Variants in STAT3 observed in about 807,000 individuals in gnomAD.
The protein encoded by STAT3 is signal transducer and activator of transcription 3, also known as DNA-binding protein APRF.
A neutral mutation model predicts 114.3 loss-of-function variants in STAT3; 7 were observed. That is an observed-to-expected ratio of 0.06 (90% CI 0.03 to 0.11). The LOEUF (loss-of-function observed/expected upper bound fraction) is 0.11. Among genes scored for constraint, STAT3 ranks in the 10% least tolerant of loss-of-function variants. The pLI is 1.00. For synonymous variants in STAT3, 331 were observed against 354.5 expected (o/e 0.93, Z 0.74); for missense variants, 364 against 960.9 (o/e 0.38, Z 8.21).
chr17:42,316,459 TCCAC>T, intron 23 of STAT3: 1 of 445,096 alleles, frequency 2.2e-6, no homozygotes, highest in South Asian at 1.8e-5. Flanking sequence ...CCTCAAGTGA[TCCAC>T]CCACCTCGGC....
At chr17:42,372,683 G>A (rs2084219235) in intron 1 of STAT3, among the ~76,000 whole-genome samples, 1 of 152,018 alleles carries the variant, frequency 6.6e-6, no homozygotes, top group Non-Finnish European at 1.5e-5. Context: ...GAAATGTAAT[G>A]TAAACTATGG....
At position 42,315,621 on chromosome 17, in the gene STAT3, T is replaced by A; in HGVS notation, c.*124A>T. ...CTCAAAGATAGCAGAAGTAGGAGAT[T>A]AAAAAAAATCTGGAACCACAAAGTT... On this transcript the variant is annotated 3_prime_UTR_variant, in exon 24 of 24. Transcript: ENST00000264657. The A allele has an allele frequency of 1.0e-6, 1 of 996,090 alleles. No homozygotes were observed. Among genetic ancestry groups the A allele is most frequent in the Non-Finnish European group, 1.6e-6 (1 of 631,766 alleles). 61.7% of individuals were successfully genotyped at this position (996,090 alleles called of 1,614,324 possible).
chr17:42,320,591 A>C (rs1174983443), intron 21 of STAT3, among the ~76,000 whole-genome samples: 3 of 152,034 alleles, frequency 2.0e-5, no homozygotes, highest in Non-Finnish European at 4.4e-5. Context: ...TCAGCTGGGC[A>C]TGGTGGCACA....
chr17:42,369,423 T>A (rs2083984540), intron 1 of STAT3, among the ~76,000 whole-genome samples: 1 of 152,156 alleles, frequency 6.6e-6, no homozygotes, highest in Admixed American at 6.6e-5. Flanking sequence ...TGCATAGTAT[T>A]CCACAGTGTA....
At chr17:42,353,972 T>C (rs974639694) in intron 1 of STAT3, among the ~76,000 whole-genome samples, 7 of 152,170 alleles carry the variant, frequency 4.6e-5, no homozygotes, top group African/African-American at 1.7e-4. Flanking sequence ...AGCATCCCAC[T>C]ATACCTGCTC....
chr17:42,355,379 C>T (rs1412326760), intron 1 of STAT3, among the ~76,000 whole-genome samples: 2 of 152,306 alleles, frequency 1.3e-5, no homozygotes, highest in South Asian at 2.1e-4. Flanking sequence ...TGAGGAACAA[C>T]TTGAGTGCCA....
intron 1 of STAT3, among the ~76,000 whole-genome samples, chr17:42,386,606 C>G (rs1299337212): frequency 1.3e-5 from 2 of 152,096 alleles, no homozygotes; most frequent in African/African-American, 4.8e-5. Context: ...CCATGTTGCC[C>G]AGACCAGACT....
rs1269919034 is a variant in STAT3 at position 42,337,485 on chromosome 17, A to C, written c.747T>G (p.Ile249Met). 1 of 1,614,208 alleles carries C rather than the reference A, an allele frequency of 6.2e-7. No individual in the cohort carries two copies. The highest frequency in any genetic ancestry group is 1.1e-5 in the South Asian group (1 of 91,088). ...ELADWKRRQQIACIGGPPNIC... is the reference protein window; with the variant it reads ...ELADWKRRQQMACIGGPPNIC... ...TGTTGGGCGGGCCTCCAATGCAGGC[A>C]ATCTGTTGCCGCCTCTTCCAGTCAG... The change falls in exon 8 of 24, where the codon ATT becomes ATG. Residue 249 changes from isoleucine (I) to methionine (M), a missense_variant. Physicochemically the swap from Ile to Met is conservative, Grantham distance 10 (BLOSUM62 1). Coordinates refer to ENST00000264657, the MANE Select transcript of STAT3 (RefSeq NM_139276.3). The surrounding 1 kb of genome is among the most constrained non-coding windows in gnomAD (Gnocchi z 4.0).
intron 15 of STAT3, 146 bp downstream of exon 15, chr17:42,325,969 AT>A: frequency 6.4e-6 from 5 of 785,132 alleles, no homozygotes; most frequent in Admixed American, 2.0e-5. Flanking sequence ...GATGCCAAGG[AT>A]TTTTTTGGAG....
intron 3 of STAT3, among the ~76,000 whole-genome samples, chr17:42,345,875 CTTTT>C (rs370434509): frequency 1.5e-5 from 2 of 132,960 alleles, no homozygotes; most frequent in Admixed American, 7.6e-5. Context: ...TAGCCTGAGT[CTTTT>C]TTTTTTTTTT....
Position 42,315,193 on chromosome 17 carries a change from C to T in STAT3, c.*552G>A. Reference sequence around the variant, plus strand: ...TAAATACAGAAAGGCTATGCTGATACAGTGTTTTTTGCCCTTTAATTGTTA... The same window carrying T: ...TAAATACAGAAAGGCTATGCTGATATAGTGTTTTTTGCCCTTTAATTGTTA... On this transcript the variant is annotated 3_prime_UTR_variant, in exon 24 of 24. Coordinates refer to ENST00000264657, the MANE Select transcript of STAT3 (RefSeq NM_139276.3). The T allele has an allele frequency of 4.1e-6, 1 of 243,082 alleles. No homozygotes were observed. The allele number at this position is 243,082 out of a possible 1,614,324, so 15.1% of individuals were successfully genotyped here.
At chr17:42,349,724 GT>G (rs2082852851) in intron 1 of STAT3, among the ~76,000 whole-genome samples, 1 of 152,166 alleles carries the variant, frequency 6.6e-6, no homozygotes, top group African/African-American at 2.4e-5. Flanking sequence ...AATAGCATGG[GT>G]CATGGAAATA....
At position 42,324,657 on chromosome 17, in the gene STAT3, C is replaced by A. The variant is rs967234611; in HGVS notation, c.1600+54G>T. On this transcript the variant is annotated intron_variant, in intron 17 of 23. Transcript: ENST00000264657. The surrounding 1 kb of genome is among the most constrained non-coding windows in gnomAD (Gnocchi z 4.5). ...TGGCCCAAATGAACAGCCCTATGGG[C>A]CGGATCCCTTTTCTGGGCGGGTGGG... 6.7e-7 allele frequency: 1 copy of A among 1,494,090 alleles called. No homozygotes were observed. Among genetic ancestry groups the A allele is most frequent in the African/African-American group, 1.6e-5 (1 of 62,792 alleles). 92.6% of individuals were successfully genotyped at this position (1,494,090 alleles called of 1,614,324 possible). A position where few individuals can be genotyped will look rare whatever the true frequency, so the allele number is the denominator to read the frequency against.
Position 42,317,643 on chromosome 17 carries a change from C to T in STAT3, c.2102-419G>A, listed in dbSNP as rs190163475. ...AGGAACCGAGCCTGTGTAGTCTTTG[C>T]ATGGTGTCCAGCCTAAATACCAATA... On this transcript the variant is annotated intron_variant, in intron 21 of 23. Coordinates refer to ENST00000264657, the MANE Select transcript of STAT3 (RefSeq NM_139276.3). 21 of 260,086 alleles carry T rather than the reference C, an allele frequency of 8.1e-5. No individual in the cohort carries two copies. The East Asian group carries it at 1.8e-3, about 23-fold the overall frequency. The allele number at this position is 260,086 out of a possible 1,614,324, so 16.1% of individuals were successfully genotyped here.
Position 42,324,741 on chromosome 17 carries a change from G to T in STAT3, c.1570C>A (p.Gln524Lys), listed in dbSNP as rs776053336. The T allele has an allele frequency of 1.9e-6, 3 of 1,614,134 alleles. No homozygotes were observed. Among genetic ancestry groups the T allele is most frequent in the Non-Finnish European group, 1.7e-6 (2 of 1,180,024 alleles). ...STTKRGLSIE[Q>K]LTTLAEKLLG... ...AGTTTCTCTGCCAGTGTAGTCAGCT[G>T]CTCGATGCTCAGTCCTCGCTTGGTG... Residue 524 changes from glutamine to lysine, a missense_variant, in exon 17 of 24, where the codon CAG becomes AAG. Physicochemically the swap from Gln to Lys is moderately conservative, Grantham distance 53. Around this residue, in one of 5 missense-constraint regions of STAT3, gnomAD observed 294 missense variants for 745.1 expected, o/e 0.39. Coordinates refer to ENST00000264657, the MANE Select transcript of STAT3 (RefSeq NM_139276.3). The surrounding 1 kb of genome is among the most constrained non-coding windows in gnomAD (Gnocchi z 4.5).
At chr17:42,375,608 C>T (rs1808582040) in intron 1 of STAT3, among the ~76,000 whole-genome samples, 1 of 151,892 alleles carries the variant, frequency 6.6e-6, no homozygotes, top group South Asian at 2.1e-4. Context: ...GCAGGCAGAT[C>T]TCCTGAGGTT....
At chr17:42,342,748 G>A (rs1277283238) in intron 4 of STAT3, among the ~76,000 whole-genome samples, 1 of 152,068 alleles carries the variant, frequency 6.6e-6, no homozygotes, top group African/African-American at 2.4e-5. Flanking sequence ...CGAAGCAGTT[G>A]GCCCCTTGTG....
At chr17:42,356,294 CA>C (rs2083221994) in intron 1 of STAT3, among the ~76,000 whole-genome samples, 1 of 151,822 alleles carries the variant, frequency 6.6e-6, no homozygotes, top group African/African-American at 2.4e-5. Context: ...TCCCACTATG[CA>C]GAACAAAAAC....
At chr17:42,320,550 C>A (rs771119431) in intron 21 of STAT3, among the ~76,000 whole-genome samples, 6 of 151,678 alleles carry the variant, frequency 4.0e-5, no homozygotes, top group African/African-American at 7.3e-5. Flanking sequence ...GCCAACATGG[C>A]GAAACCCTTT....
Sources: allele counts gnomAD v4.1 joint callset (sites outside exome capture counted in the v4.1 genomes callset), GRCh38; gene constraint gnomAD v4.1.1; regional missense constraint gnomAD v4.1.1; non-coding constraint Gnocchi (gnomAD v3.1); transcripts MANE v1.5; gene names NCBI Gene and HGNC (gene_info 2026-07-23, HGNC 2026-07-21).